The following INPP4B variants were observed in gnomAD, a reference collection of about 807,000 sequenced individuals.
The protein encoded by INPP4B is inositol polyphosphate-4-phosphatase type II B.
A neutral mutation model predicts 122.5 loss-of-function variants in INPP4B; 55 were observed. The observed-to-expected ratio is 0.45, with a 90% confidence interval of 0.36 to 0.56. The LOEUF is 0.56. INPP4B is among the 20% of genes least tolerant of loss of function. The pLI is 0.00. For synonymous variants in INPP4B, 403 were observed against 388.7 expected (o/e 1.04, Z -0.43); for missense variants, 1,000 against 1,097.7 (o/e 0.91, Z 1.26).
chr4:142,437,880 A>G (rs182961188), intron 3 of INPP4B, among the ~76,000 whole-genome samples: 1 of 152,342 alleles, frequency 6.6e-6, no homozygotes, highest in African/African-American at 2.4e-5. Flanking sequence ...TGAGGCAGTA[A>G]TAAATAGCCT....
At chr4:142,601,423 T>C (rs1335851237) in intron 2 of INPP4B, among the ~76,000 whole-genome samples, 1 of 151,860 alleles carries the variant, frequency 6.6e-6, no homozygotes, top group Admixed American at 6.6e-5. Context: ...TGCAAAAACA[T>C]GGCAATTAAA....
intron 23 of INPP4B, among the ~76,000 whole-genome samples, chr4:142,095,702 A>C (rs1460333656): frequency 2.0e-5 from 3 of 152,202 alleles, no homozygotes; most frequent in South Asian, 2.1e-4. Flanking sequence ...AAGATAAGTC[A>C]ACATAGATTG....
intron 1 of INPP4B, among the ~76,000 whole-genome samples, chr4:142,764,309 G>C (rs1029550440): frequency 1.1e-4 from 16 of 152,082 alleles, no homozygotes; most frequent in African/African-American, 3.9e-4. Flanking sequence ...TAAAATGGTA[G>C]TTGGAAAAGT....
chr4:142,355,337 A>C (rs1783233190), intron 7 of INPP4B, among the ~76,000 whole-genome samples: 2 of 151,974 alleles, frequency 1.3e-5, no homozygotes, highest in African/African-American at 4.8e-5. Context: ...AGAAATCAGG[A>C]AGTTGAATGA....
intron 10 of INPP4B, among the ~76,000 whole-genome samples, 172 bp from the exon 11 acceptor site, chr4:142,260,736 T>C (rs1474126380): frequency 6.6e-6 from 1 of 152,200 alleles, no homozygotes; most frequent in African/African-American, 2.4e-5. Flanking sequence ...GTGTTTAACT[T>C]GTGATTTACT....
At chr4:142,806,496 C>T (rs1427138494) in intron 1 of INPP4B, among the ~76,000 whole-genome samples, 6 of 151,890 alleles carry the variant, frequency 4.0e-5, no homozygotes, top group Non-Finnish European at 8.8e-5. Flanking sequence ...AATCCCAGCA[C>T]TTTGGGAGGC....
intron 24 of INPP4B, 66 bp downstream of exon 24, chr4:142,086,078 A>G: frequency 9.4e-7 from 1 of 1,068,318 alleles, no homozygotes; most frequent in Non-Finnish European, 1.5e-6. Flanking sequence ...CCTGCACAGT[A>G]GAGAACTGAT....
At chr4:142,252,775 G>C (rs1201689912) in intron 11 of INPP4B, among the ~76,000 whole-genome samples, 1 of 152,126 alleles carries the variant, frequency 6.6e-6, no homozygotes, top group South Asian at 2.1e-4. Flanking sequence ...TATATAATTA[G>C]GAAGTCAAAC....
At chr4:142,432,349 G>A (rs1399193770) in intron 3 of INPP4B, among the ~76,000 whole-genome samples, 1 of 151,922 alleles carries the variant, frequency 6.6e-6, no homozygotes, top group Admixed American at 6.6e-5. Flanking sequence ...TGGTAAAGTG[G>A]CTTCATTTAT....
intron 2 of INPP4B, among the ~76,000 whole-genome samples, chr4:142,675,032 C>T (rs573812113): frequency 3.3e-5 from 5 of 152,196 alleles, no homozygotes; most frequent in Admixed American, 3.3e-4. Context: ...GAGATAGAGA[C>T]ATGAAAAACC....
intron 15 of INPP4B, among the ~76,000 whole-genome samples, chr4:142,175,172 C>T (rs549526448): frequency 1.4e-4 from 22 of 152,164 alleles, no homozygotes; most frequent in South Asian, 1.2e-3. Context: ...ACTTTGCAGT[C>T]GATGTTATTT....
At chr4:142,611,415 ATGTT>A (rs760579229) in intron 2 of INPP4B, among the ~76,000 whole-genome samples, 7 of 152,016 alleles carry the variant, frequency 4.6e-5, no homozygotes, top group East Asian at 3.9e-4. Context: ...GTAATATTTC[ATGTT>A]TGTTTGTTTT....
chr4:142,549,278 A>G (rs1340721488), intron 2 of INPP4B, among the ~76,000 whole-genome samples: 1 of 152,004 alleles, frequency 6.6e-6, no homozygotes, highest in Non-Finnish European at 1.5e-5. Context: ...ATGAAATCTC[A>G]TCCTCCCATA....
At chr4:142,396,125 T>A (rs1799281393) in intron 7 of INPP4B, among the ~76,000 whole-genome samples, 1 of 152,072 alleles carries the variant, frequency 6.6e-6, no homozygotes, top group Non-Finnish European at 1.5e-5. Context: ...CTGGACTTAA[T>A]CAGAATTAAA....
At chr4:142,051,057 T>C (rs1281978426) in intron 25 of INPP4B, among the ~76,000 whole-genome samples, 11 of 152,060 alleles carry the variant, frequency 7.2e-5, no homozygotes. Flanking sequence ...TGATTGAGTA[T>C]AATACATGTT....
intron 1 of INPP4B, among the ~76,000 whole-genome samples, chr4:142,825,624 A>G (rs1225547563): frequency 6.6e-6 from 1 of 152,156 alleles, no homozygotes; most frequent in Non-Finnish European, 1.5e-5. Context: ...TGTTAGAGCC[A>G]CAAGTGCTTT....
chr4:142,789,867 G>A (rs1429403296), intron 1 of INPP4B, among the ~76,000 whole-genome samples: 3 of 152,148 alleles, frequency 2.0e-5, no homozygotes, highest in South Asian at 4.2e-4. Context: ...AAAACAGCAT[G>A]GTACTGGTTT....
At chr4:142,189,599 G>A (rs1288958931) in intron 15 of INPP4B, among the ~76,000 whole-genome samples, 3 of 152,162 alleles carry the variant, frequency 2.0e-5, no homozygotes, top group Non-Finnish European at 4.4e-5. Flanking sequence ...CATGGACCAT[G>A]TGTAGAATTT....
At chr4:142,257,567 A>T (rs1561650743) in intron 11 of INPP4B, among the ~76,000 whole-genome samples, 4 of 152,250 alleles carry the variant, frequency 2.6e-5, no homozygotes, top group African/African-American at 9.6e-5. Context: ...AATAACAGAC[A>T]AACAGAGAGC....
Sources: gnomAD v4.1 joint callset for allele counts (sites outside exome capture counted in the v4.1 genomes callset) on GRCh38, gnomAD v4.1.1 for gene constraint, MANE v1.5 for transcripts, NCBI Gene and HGNC (gene_info 2026-07-23, HGNC 2026-07-21) for gene names.